The following VPS54 variants were observed in gnomAD, a reference collection of about 807,000 sequenced individuals.
VPS54 encodes the protein vacuolar protein sorting-associated protein 54.
A neutral mutation model predicts 121.5 loss-of-function variants in VPS54; 45 were observed. That is an observed-to-expected ratio of 0.37 (90% CI 0.29 to 0.47). VPS54 has a LOEUF of 0.47. Ranked by LOEUF, VPS54 falls within the 20% of genes least tolerant of loss-of-function variation. The pLI is 0.99. For synonymous variants in VPS54, 371 were observed against 385.8 expected, an observed-to-expected ratio of 0.96 and a Z score of 0.45; for missense variants, 1,090 against 1,131.4, an observed-to-expected ratio of 0.96 and a Z score of 0.52.
chr2:63,965,328 T>C (rs1033944618), intron 6 of VPS54, among the ~76,000 whole-genome samples: 1 of 151,820 alleles, frequency 6.6e-6, no homozygotes, highest in African/African-American at 2.4e-5. Flanking sequence ...TACAAAAAAT[T>C]AGCCAAGCAT....
chr2:63,980,049 G>A (rs759736686), intron 3 of VPS54, among the ~76,000 whole-genome samples: 7 of 152,024 alleles, frequency 4.6e-5, no homozygotes, highest in African/African-American at 9.7e-5. Flanking sequence ...ATTATTTATT[G>A]AAAGAGTATT....
At chr2:63,969,433 T>G (rs1032602744) in intron 4 of VPS54, among the ~76,000 whole-genome samples, 1 of 152,110 alleles carries the variant, frequency 6.6e-6, no homozygotes, top group African/African-American at 2.4e-5. Context: ...GTGGTGGCAC[T>G]AGGTTCTCAT....
At chr2:63,997,534 C>T (rs1011467319) in intron 1 of VPS54, among the ~76,000 whole-genome samples, 5 of 152,078 alleles carry the variant, frequency 3.3e-5, no homozygotes, top group Non-Finnish European at 5.9e-5. Flanking sequence ...TTTGTGGTAT[C>T]GGTTTTAGCA....
Position 63,936,180 on chromosome 2 carries a change from C to T in VPS54, c.1399-2167G>A, listed in dbSNP as rs182017080. ...TTCATTCCTTTTAATAACATCTTCG[C>T]TTATACAGTTATTAAAATTTTCCAC... is the stretch of plus-strand genomic sequence containing the variant. On this transcript the variant is annotated intron_variant, in intron 11 of 22. Coordinates refer to ENST00000272322, the MANE Select transcript of VPS54 (RefSeq NM_016516.3). Among the ~76,000 whole-genome samples, 582 of 152,160 alleles carry T rather than the reference C, an allele frequency of 3.8e-3. 6 individuals are homozygous for T. Among genetic ancestry groups the T allele is most frequent in the Non-Finnish European group, 2.8e-3 (193 of 67,980 alleles).
chr2:63,970,244 T>TATATATATATATATATATAG (rs1286828125), intron 4 of VPS54, among the ~76,000 whole-genome samples: 1 of 97,910 alleles, frequency 1.0e-5, no homozygotes, highest in Non-Finnish European at 2.0e-5. Flanking sequence ...CACATTCTAA[T>TATATATATATATATATATAG]ATATATATAG....
At chr2:63,951,120 T>C (rs1264843142) in intron 7 of VPS54, among the ~76,000 whole-genome samples, 1 of 152,106 alleles carries the variant, frequency 6.6e-6, no homozygotes, top group Non-Finnish European at 1.5e-5. Flanking sequence ...AATCTGCATT[T>C]TCAATAATGG....
At chr2:64,010,767 A>G (rs897356467) in intron 1 of VPS54, among the ~76,000 whole-genome samples, 8 of 152,312 alleles carry the variant, frequency 5.3e-5, no homozygotes, top group Non-Finnish European at 7.4e-5. Context: ...CAAAAATCTC[A>G]ATATTGAAGG....
chr2:63,912,667 G>T lies in VPS54; in HGVS notation c.2423-6C>A. On this transcript the variant is annotated splice_polypyrimidine_tract_variant and splice_region_variant and intron_variant, in intron 18 of 22. Coordinates refer to ENST00000272322, the MANE Select transcript of VPS54 (RefSeq NM_016516.3). The stretch of plus-strand genomic sequence containing the variant: ...CAAACATCGTGAAGAAAGAGCTGAA[G>T]ATCCAGGGAGTAGATATATAATGGA... The T allele has an allele frequency of 6.4e-7, 1 of 1,559,578 alleles. No individual in the cohort carries two copies. Among genetic ancestry groups the T allele is most frequent in the Non-Finnish European group, 8.6e-7 (1 of 1,164,854 alleles).
chr2:63,921,980 A>C (rs1421824914), intron 12 of VPS54, among the ~76,000 whole-genome samples: 1 of 152,216 alleles, frequency 6.6e-6, no homozygotes, highest in East Asian at 1.9e-4. Context: ...AAGCAAGAAG[A>C]GGGAAGGAAT....
intron 4 of VPS54, among the ~76,000 whole-genome samples, chr2:63,970,382 T>C (rs1376635178): frequency 6.9e-6 from 1 of 144,884 alleles, no homozygotes; most frequent in African/African-American, 2.6e-5. Flanking sequence ...CTCTCAGGGA[T>C]AGTCAAATGC....
At chr2:63,981,607 C>A in intron 3 of VPS54, 39 bp downstream of exon 3, 1 of 1,520,994 alleles carries the variant, frequency 6.6e-7, no homozygotes, top group Non-Finnish European at 8.8e-7. Flanking sequence ...ATTTCTATTA[C>A]TTTTGACCTG....
chr2:63,930,494 G>C (rs972088821), intron 12 of VPS54, among the ~76,000 whole-genome samples: 4 of 152,084 alleles, frequency 2.6e-5, no homozygotes, highest in African/African-American at 7.2e-5. Flanking sequence ...CAATAAACTA[G>C]GTATTGATGG....
At chr2:63,899,397 G>A in intron 21 of VPS54, 77 bp downstream of exon 21, 1 of 1,237,680 alleles carries the variant, frequency 8.1e-7, no homozygotes, top group Non-Finnish European at 1.1e-6. Context: ...ACTGCCAAAA[G>A]CATGTAAAAA....
chr2:63,979,929 C>T (rs1289224552), intron 3 of VPS54, among the ~76,000 whole-genome samples: 3 of 151,974 alleles, frequency 2.0e-5, no homozygotes, highest in African/African-American at 4.8e-5. Context: ...TTCATGAACA[C>T]TTGAAAAAAA....
At chr2:64,011,515 G>A (rs1241288193) in intron 1 of VPS54, among the ~76,000 whole-genome samples, 1 of 152,036 alleles carries the variant, frequency 6.6e-6, no homozygotes, top group Non-Finnish European at 1.5e-5. Flanking sequence ...GCAGTGAGCC[G>A]TGATTATACC....
At chr2:63,997,202 G>T (rs1677638814) in intron 1 of VPS54, among the ~76,000 whole-genome samples, 1 of 152,128 alleles carries the variant, frequency 6.6e-6, no homozygotes, top group Admixed American at 6.6e-5. Context: ...TGGTATCAGG[G>T]TAATACTGCC....
chr2:63,929,675 C>T (rs1434438630), intron 12 of VPS54, among the ~76,000 whole-genome samples: 2 of 149,774 alleles, frequency 1.3e-5, no homozygotes. Context: ...CAGAGCAGAA[C>T]TGAAGGACAC....
At chr2:63,963,783 T>C (rs1385024278) in intron 6 of VPS54, among the ~76,000 whole-genome samples, 1 of 152,088 alleles carries the variant, frequency 6.6e-6, no homozygotes, top group Admixed American at 6.5e-5. Flanking sequence ...AATTGCAAGG[T>C]AACATGGACT....
chr2:64,003,614 T>C (rs1433343789), intron 1 of VPS54, among the ~76,000 whole-genome samples: 1 of 151,894 alleles, frequency 6.6e-6, no homozygotes, highest in African/African-American at 2.4e-5. Flanking sequence ...GTAGAACATA[T>C]CAGAACAGAC....
Sources: allele counts gnomAD v4.1 joint callset (sites outside exome capture counted in the v4.1 genomes callset), GRCh38; gene constraint gnomAD v4.1.1; transcripts MANE v1.5; gene names NCBI Gene and HGNC (gene_info 2026-07-23, HGNC 2026-07-21).